Variants in TLK2 observed in about 807,000 individuals in gnomAD.
TLK2 encodes the protein tousled like kinase 2, also known as serine/threonine-protein kinase tousled-like 2.
TLK2 carries 6 observed loss-of-function variants against 117.3 expected under a neutral mutation model. The ratio of observed to expected loss-of-function variants is 0.05; its 90% CI spans 0.03 to 0.10. TLK2 has a LOEUF of 0.10. Among genes scored for constraint, TLK2 ranks in the 10% least tolerant of loss-of-function variants. The probability of loss-of-function intolerance (pLI) is 1.00; values close to 1 mark genes in which losing one functional copy is unlikely to be tolerated. For synonymous variants in TLK2, 257 were observed against 316.7 expected, an observed-to-expected ratio of 0.81 and a Z score of 2.00; for missense variants, 299 against 901.2, an observed-to-expected ratio of 0.33 and a Z score of 8.56.
At chr17:62,576,657 G>A (rs1455342713) in intron 12 of TLK2, 52 bp from the exon 13 acceptor site, 1 of 1,394,924 alleles carries the variant, frequency 7.2e-7, no homozygotes, top group African/African-American at 1.4e-5. Context: ...TCTTTAAACA[G>A]GCAAACTATG....
chr17:62,580,825 T>TTA (rs2081161936), intron 15 of TLK2, among the ~76,000 whole-genome samples: 1 of 152,228 alleles, frequency 6.6e-6, no homozygotes, highest in Admixed American at 6.5e-5. Flanking sequence ...ACAGAATTGT[T>TTA]TATTAAGTAG....
intron 2 of TLK2, among the ~76,000 whole-genome samples, chr17:62,483,829 AG>A: frequency 6.8e-6 from 1 of 147,752 alleles, no homozygotes; most frequent in East Asian, 2.0e-4. Context: ...TTATTCCATT[AG>A]TTGTTTTTTT....
At chr17:62,542,580 A>G (rs2077614185) in intron 7 of TLK2, among the ~76,000 whole-genome samples, 1 of 152,130 alleles carries the variant, frequency 6.6e-6, no homozygotes, top group South Asian at 2.1e-4. Context: ...TGCTTTGTAA[A>G]TTATTCTAAG....
intron 5 of TLK2, among the ~76,000 whole-genome samples, chr17:62,523,530 TGA>T (rs1326378651): frequency 2.6e-5 from 4 of 152,352 alleles, no homozygotes; most frequent in Non-Finnish European, 4.4e-5. Context: ...CAGTGAGCCA[TGA>T]TCTACTGCAC....
intron 17 of TLK2, among the ~76,000 whole-genome samples, chr17:62,597,440 C>G (rs1316799811): frequency 6.6e-6 from 1 of 152,164 alleles, no homozygotes; most frequent in Non-Finnish European, 1.5e-5. Context: ...AAATTTAAGT[C>G]AGCTCTTGGA....
Position 62,540,877 on chromosome 17 carries a change from A to T in TLK2, c.531+4540A>T, listed in dbSNP as rs1490336961. Among the ~76,000 whole-genome samples, 8 of 152,236 alleles carry T rather than the reference A, an allele frequency of 5.3e-5. No homozygotes were observed. In the South Asian group the frequency reaches 1.7e-3, roughly 32 times the overall value. On this transcript the variant is annotated intron_variant, in intron 7 of 21. Coordinates refer to ENST00000346027, the MANE Select transcript of TLK2 (RefSeq NM_006852.6). ...GTCCAGTCATGCCACTCCCCTGTCGAAAAGTCCTTAAAGTGGCCCTGCATG... is the reference window on the plus strand; with the variant it reads ...GTCCAGTCATGCCACTCCCCTGTCGTAAAGTCCTTAAAGTGGCCCTGCATG...
At chr17:62,609,834 T>C (rs1023097709) in intron 21 of TLK2, among the ~76,000 whole-genome samples, 4 of 152,232 alleles carry the variant, frequency 2.6e-5, no homozygotes, top group Non-Finnish European at 5.9e-5. Context: ...TGTTAGTAGC[T>C]AGGTGCAGCG....
At position 62,602,240 on chromosome 17, in the gene TLK2, T is replaced by C. The variant is rs1598876346; in HGVS notation, c.1859+60T>C. The C allele has an allele frequency of 4.6e-6, 7 of 1,537,992 alleles. 1 individual carries two copies. In the East Asian group the frequency reaches 1.2e-4, roughly 25 times the overall value. ...GAGATGTGGCTCTGCTATGCTGAAG[T>C]GTTGATAATGAATTAATTGCTGTAT... On this transcript the variant is annotated intron_variant, in intron 19 of 21. Coordinates refer to ENST00000346027, the MANE Select transcript of TLK2 (RefSeq NM_006852.6).
At chr17:62,505,641 CTG>C (rs1312034683) in intron 2 of TLK2, among the ~76,000 whole-genome samples, 1 of 151,630 alleles carries the variant, frequency 6.6e-6, no homozygotes, top group Admixed American at 6.6e-5. Flanking sequence ...TTTTAATACA[CTG>C]TTTTCAAATT....
At chr17:62,540,102 T>C (rs1474197001) in intron 7 of TLK2, among the ~76,000 whole-genome samples, 2 of 146,706 alleles carry the variant, frequency 1.4e-5, no homozygotes, top group Non-Finnish European at 3.0e-5. Flanking sequence ...TTCTTTTCTT[T>C]TTTTTTTTTT....
At chr17:62,530,195 A>G (rs574892091) in intron 6 of TLK2, among the ~76,000 whole-genome samples, 6 of 152,088 alleles carry the variant, frequency 3.9e-5, no homozygotes, top group Admixed American at 3.3e-4. Context: ...AATCTCTTGA[A>G]CCCGGGAGGC....
intron 2 of TLK2, among the ~76,000 whole-genome samples, chr17:62,486,885 T>C (rs528102891): frequency 1.3e-5 from 2 of 152,244 alleles, no homozygotes; most frequent in Non-Finnish European, 2.9e-5. Flanking sequence ...TACTGACTGA[T>C]GCTTATCACA....
chr17:62,576,818 A>G, intron 13 of TLK2, 43 bp downstream of exon 13: 1 of 1,506,336 alleles, frequency 6.6e-7, no homozygotes, highest in East Asian at 2.3e-5. Context: ...TGTGATACCT[A>G]GTTTAAATTT....
intron 4 of TLK2, among the ~76,000 whole-genome samples, chr17:62,522,740 A>ATC (rs1354446563): frequency 6.6e-6 from 1 of 152,204 alleles, no homozygotes; most frequent in Non-Finnish European, 1.5e-5. Context: ...AATGCCAAAT[A>ATC]TCTTTATATA....
chr17:62,567,841 G>A (rs905993094), intron 11 of TLK2, among the ~76,000 whole-genome samples: 1 of 151,936 alleles, frequency 6.6e-6, no homozygotes, highest in African/African-American at 2.4e-5. Flanking sequence ...TTGTTCACTG[G>A]TTCTTTTTTT....
intron 21 of TLK2, among the ~76,000 whole-genome samples, chr17:62,611,268 T>C (rs958183044): frequency 9.9e-5 from 15 of 152,262 alleles, no homozygotes; most frequent in Non-Finnish European, 1.6e-4. Flanking sequence ...TTTCTATGAA[T>C]TGTTTTTATC....
At chr17:62,561,400 C>T (rs2079263374) in intron 10 of TLK2, among the ~76,000 whole-genome samples, 1 of 152,162 alleles carries the variant, frequency 6.6e-6, no homozygotes, top group Non-Finnish European at 1.5e-5. Context: ...TGAGGAATTG[C>T]GGGGTTTCGC....
intron 21 of TLK2, among the ~76,000 whole-genome samples, chr17:62,610,519 G>A (rs2083664147): frequency 6.6e-6 from 1 of 152,358 alleles, no homozygotes; most frequent in East Asian, 1.9e-4. Context: ...GGGGGATGAG[G>A]AGGTGGAAAC....
intron 2 of TLK2, among the ~76,000 whole-genome samples, chr17:62,519,974 A>T (rs1286244770): frequency 1.3e-5 from 2 of 151,940 alleles, no homozygotes; most frequent in African/African-American, 4.8e-5. Context: ...AACTTGTCAC[A>T]CTCTTGCAAG....
Sources: allele counts gnomAD v4.1 joint callset (sites outside exome capture counted in the v4.1 genomes callset), GRCh38; gene constraint gnomAD v4.1.1; transcripts MANE v1.5; gene names NCBI Gene and HGNC (gene_info 2026-07-23, HGNC 2026-07-21).